The following ZNF563 variants were observed in gnomAD, a reference collection of about 807,000 sequenced individuals.
ZNF563 encodes zinc finger protein 563.
ZNF563 carries 39 observed loss-of-function variants against 48.5 expected under a neutral mutation model. The observed-to-expected ratio is 0.80, with a 90% confidence interval of 0.62 to 1.05. The LOEUF is 1.05. Ranked by LOEUF, ZNF563 falls within the 50% of genes least tolerant of loss-of-function variation. The pLI is 0.00. For missense variants in ZNF563, 538 were observed against 597.0 expected, an observed-to-expected ratio of 0.90 and a Z score of 1.03; for synonymous variants, 168 against 187.9, an observed-to-expected ratio of 0.89 and a Z score of 0.87.
chr19:12,318,286 C>G lies in ZNF563; in HGVS notation c.*308G>C, dbSNP rs1568470748. On this transcript the variant is annotated 3_prime_UTR_variant, in exon 4 of 4. Coordinates refer to ENST00000293725, the MANE Select transcript of ZNF563 (RefSeq NM_145276.3). ...GGGATTACAGGCGTGAGCCACTGTG[C>G]CCAGCCTCATGTACTTTTAAGTTAC... 7.7e-6 allele frequency: 3 copies of G among 388,156 alleles called. No individual in the cohort carries two copies. The Admixed American group carries it at 1.3e-4, about 16-fold the overall frequency. The allele number at this position is 388,156 out of a possible 1,614,324, so 24.0% of individuals were successfully genotyped here. A position where few individuals can be genotyped will look rare whatever the true frequency, so the allele number is the denominator to read the frequency against.
At chr19:12,333,813 T>G, upstream of ZNF563, 1 of 384,646 alleles carries the variant, frequency 2.6e-6, no homozygotes, top group Non-Finnish European at 4.7e-6. Context: ...CACACAGTGC[T>G]GAGTCGAGCG....
chr19:12,323,779 T>G (rs1968698857), intron 1 of ZNF563, among the ~76,000 whole-genome samples: 1 of 152,204 alleles, frequency 6.6e-6, no homozygotes, highest in African/African-American at 2.4e-5. Flanking sequence ...TTTTTGCAAC[T>G]GATTAGTTGG....
chr19:12,320,872 A>G (rs937527451), intron 3 of ZNF563, among the ~76,000 whole-genome samples: 1 of 152,052 alleles, frequency 6.6e-6, no homozygotes, highest in African/African-American at 2.4e-5. Context: ...TGGTGCAGTG[A>G]CTCACACCTG....
intron 1 of ZNF563, 104 bp downstream of exon 1, chr19:12,333,376 C>T (rs1968970704): frequency 1.3e-6 from 2 of 1,503,936 alleles, no homozygotes; most frequent in East Asian, 2.4e-5. Context: ...GGGTCCCAGA[C>T]CCCGGAGCTG....
At chr19:12,340,976 A>T in the ZNF563 span, among the ~76,000 whole-genome samples, 16 of 152,074 alleles carry the variant, frequency 1.1e-4, no homozygotes, top group African/African-American at 3.6e-4. Flanking sequence ...AGAACACTGG[A>T]TGGTATCTGG....
In ZNF563 at chr19:12,321,293, T is replaced by G; in HGVS notation, c.170A>C (p.Lys57Thr). 1 of 1,579,002 alleles carries G rather than the reference T, an allele frequency of 6.3e-7. No homozygotes were observed. The change falls in exon 3 of 4, where the codon AAA becomes ACA. Residue 57 changes from lysine to threonine, a missense_variant. Coordinates refer to ENST00000293725, the MANE Select transcript of ZNF563 (RefSeq NM_145276.3). ...WEEQNTEDQY[K>T]NPRRNLRCHM... ...TTACCTTAGATTTCTCCTAGGATTT[T>G]TGTACTGATCTTCAGTATTCTGTTC...
At chr19:12,321,192 C>A in intron 3 of ZNF563, 80 bp downstream of exon 3, 2 of 1,013,252 alleles carry the variant, frequency 2.0e-6, no homozygotes, top group South Asian at 1.5e-5. Context: ...TGGACTTGTT[C>A]ATTTTCTTTG....
intron 3 of ZNF563, among the ~76,000 whole-genome samples, chr19:12,320,209 G>A (rs935133298): frequency 5.9e-5 from 9 of 151,944 alleles, no homozygotes; most frequent in Non-Finnish European, 1.0e-4. Context: ...GAGTCACTGC[G>A]CCTGGCCAGA....
intron 3 of ZNF563, among the ~76,000 whole-genome samples, chr19:12,320,642 G>A (rs1012277140): frequency 6.6e-6 from 1 of 151,952 alleles, no homozygotes; most frequent in Non-Finnish European, 1.5e-5. Flanking sequence ...TGGGGTTACA[G>A]GTGCATACCC....
chr19:12,326,616 T>C (rs1015960730), intron 1 of ZNF563, among the ~76,000 whole-genome samples: 36 of 150,424 alleles, frequency 2.4e-4, no homozygotes, highest in African/African-American at 8.8e-4. Flanking sequence ...TGCACTCCAG[T>C]ATGGGCGACT....
intron 1 of ZNF563, 118 bp downstream of exon 1, chr19:12,333,362 A>G: frequency 1.5e-6 from 2 of 1,377,520 alleles, no homozygotes; most frequent in Non-Finnish European, 2.0e-6. Flanking sequence ...CGCCAGGGGG[A>G]CTCGGGTCCC....
chr19:12,331,794 C>A (rs190044723), intron 1 of ZNF563, among the ~76,000 whole-genome samples: 114 of 152,276 alleles, frequency 7.5e-4, no homozygotes, highest in Non-Finnish European at 1.2e-3. Context: ...AAGCCAGTAC[C>A]AGGAAAAGAT....
At chr19:12,344,780 G>A in the ZNF563 span, among the ~76,000 whole-genome samples, 1 of 152,266 alleles carries the variant, frequency 6.6e-6, no homozygotes, top group African/African-American at 2.4e-5. Context: ...AAAATTATCT[G>A]TGTTTACAGA....
chr19:12,318,474 A>G lies in ZNF563; in HGVS notation c.*120T>C. On this transcript the variant is annotated 3_prime_UTR_variant, in exon 4 of 4. Transcript: ENST00000293725. ...GTGTGAGATATTTCATGATTTTGAAAGGAATAAAAATTATGAAAGGCTTTC... is the reference window on the plus strand; with the variant it reads ...GTGTGAGATATTTCATGATTTTGAAGGGAATAAAAATTATGAAAGGCTTTC... 4.5e-6 allele frequency: 5 copies of G among 1,111,764 alleles called. No individual in the cohort carries two copies. Among genetic ancestry groups the G allele is most frequent in the East Asian group, 2.5e-5 (1 of 39,820 alleles). The allele number at this position is 1,111,764 out of a possible 1,614,324, so 68.9% of individuals were successfully genotyped here. A position where few individuals can be genotyped will look rare whatever the true frequency, so the allele number is the denominator to read the frequency against.
chr19:12,331,914 G>A (rs1340625018), intron 1 of ZNF563, among the ~76,000 whole-genome samples: 2 of 152,210 alleles, frequency 1.3e-5, no homozygotes, highest in African/African-American at 2.4e-5. Flanking sequence ...AAGAGGCGCA[G>A]ACATTTTTCT....
chr19:12,335,363 T>A (rs1315903368), upstream of ZNF563, among the ~76,000 whole-genome samples: 2 of 152,132 alleles, frequency 1.3e-5, no homozygotes, highest in African/African-American at 2.4e-5. Context: ...CATACTACTC[T>A]AACTTTCCAT....
At chr19:12,338,767 G>A in the ZNF563 span, among the ~76,000 whole-genome samples, 9 of 152,068 alleles carry the variant, frequency 5.9e-5, no homozygotes, top group African/African-American at 1.4e-4. Context: ...CAGGAGAATC[G>A]CTTGAACCTG....
Position 12,318,779 on chromosome 19 carries a change from T to C in ZNF563, c.1246A>G (p.Ser416Gly), listed in dbSNP as rs1968504949. The C allele has an allele frequency of 1.9e-6, 3 of 1,614,132 alleles. No homozygotes were observed. Among genetic ancestry groups the C allele is most frequent in the East Asian group, 2.2e-5 (1 of 44,868 alleles). The change falls in exon 4 of 4, where the codon AGT becomes GGT. Residue 416 changes from serine to glycine, a missense_variant. By Grantham distance (56) the Ser-to-Gly change is moderately conservative (BLOSUM62 0). Coordinates refer to ENST00000293725, the MANE Select transcript of ZNF563 (RefSeq NM_145276.3). ...TTGCATTCATAGGGTTTCTCTCCAC[T>C]GTGAGACTTTTCGTGTCTTTGACAT... Reference protein sequence around the residue: ...SVCQRHEKSHSGEKPYECKQC... With the variant: ...SVCQRHEKSHGGEKPYECKQC...
At chr19:12,333,939 G>A (rs929787094), upstream of ZNF563, among the ~76,000 whole-genome samples, 11 of 152,330 alleles carry the variant, frequency 7.2e-5, no homozygotes, top group East Asian at 1.9e-3. Flanking sequence ...TACTCAGCAG[G>A]CCCTTACTGC....
Sources: allele counts gnomAD v4.1 joint callset (sites outside exome capture counted in the v4.1 genomes callset), GRCh38; gene constraint gnomAD v4.1.1; transcripts MANE v1.5; gene names NCBI Gene and HGNC (gene_info 2026-07-23, HGNC 2026-07-21).